CATSPERD: variants seen among roughly 807,000 people sequenced by gnomAD.
CATSPERD encodes the protein cation channel sperm-associated auxiliary subunit delta.
Under a neutral mutation model 98.1 loss-of-function variants are expected in CATSPERD, and 86 were observed. The observed-to-expected ratio is 0.88, with a 90% CI of 0.74 to 1.05. The LOEUF (loss-of-function observed/expected upper bound fraction) is 1.05. Among genes scored for constraint, CATSPERD ranks in the 50% least tolerant of loss-of-function variants. The pLI is 0.00. For missense variants in CATSPERD, 995 were observed against 1,005.7 expected, an observed-to-expected ratio of 0.99 and a Z score of 0.14; for synonymous variants, 394 against 390.2, an observed-to-expected ratio of 1.01 and a Z score of -0.12.
chr19:5,751,042 G>A (rs572752456), intron 11 of CATSPERD, among the ~76,000 whole-genome samples: 8 of 149,826 alleles, frequency 5.3e-5, no homozygotes, highest in South Asian at 2.1e-4. Context: ...GGTGAAACTC[G>A]TCTCTACTAA....
At chr19:5,776,422 A>C in intron 21 of CATSPERD, 107 bp downstream of exon 21, 1 of 1,282,312 alleles carries the variant, frequency 7.8e-7, no homozygotes. Flanking sequence ...AATTCCCCCA[A>C]CAGCCCAGGC....
intron 13 of CATSPERD, among the ~76,000 whole-genome samples, chr19:5,754,743 G>A (rs1329303060): frequency 2.0e-5 from 3 of 151,874 alleles, no homozygotes; most frequent in East Asian, 3.9e-4. Context: ...ATGTCTGGGC[G>A]TGATGAGGCT....
At position 5,778,664 on chromosome 19, in the gene CATSPERD, G is replaced by C; in HGVS notation, c.2385G>C (p.Arg795Ser). The change falls in exon 22 of 22, where the codon AGG (arginine) becomes AGC (serine). Residue 795 changes from arginine to serine, a missense_variant. Arg to Ser is a moderately radical substitution (Grantham distance 110). Transcript: ENST00000381624. ...GCCACCGCACTCCTCACGGAGGCAG[G>C]TCTGACCACTGAGGCCGGTCCACAG... ...PGRHRTPHGG[R>S]SDH 1 of 1,612,332 alleles carries C rather than the reference G, an allele frequency of 6.2e-7. No homozygotes were observed. The highest frequency in any genetic ancestry group is 8.5e-7 in the Non-Finnish European group (1 of 1,179,338).
chr19:5,752,735 A>G (rs1462077414), intron 12 of CATSPERD, among the ~76,000 whole-genome samples: 2 of 152,086 alleles, frequency 1.3e-5, no homozygotes, highest in Admixed American at 1.3e-4. Flanking sequence ...AATCCATGGA[A>G]AGGAAAAGGG....
In CATSPERD at chr19:5,732,680, G is replaced by C. The variant is rs1173981521; in HGVS notation, c.277-1176G>C. Reference sequence around the variant, plus strand: ...GGTGTTTTTTGTTTTGTTTTGTTTTGTTTTGTTTTTGGTTTTTGAGACCGA... The same window carrying C: ...GGTGTTTTTTGTTTTGTTTTGTTTTCTTTTGTTTTTGGTTTTTGAGACCGA... On this transcript the variant is annotated intron_variant, in intron 4 of 21. Coordinates refer to ENST00000381624, the MANE Select transcript of CATSPERD (RefSeq NM_152784.4). Among the ~76,000 whole-genome samples the C allele has an allele frequency of 4.6e-5, 7 of 151,114 alleles. No homozygotes were observed. The South Asian group carries it at 1.3e-3, about 27-fold the overall frequency.
chr19:5,750,251 A>C (rs574395488), intron 11 of CATSPERD, among the ~76,000 whole-genome samples: 2 of 149,216 alleles, frequency 1.3e-5, no homozygotes, highest in South Asian at 2.1e-4. Context: ...GATCGTGACC[A>C]TCCTGGCTAA....
At chr19:5,759,429 G>C (rs1233977297) in intron 15 of CATSPERD, among the ~76,000 whole-genome samples, 1 of 151,900 alleles carries the variant, frequency 6.6e-6, no homozygotes, top group Non-Finnish European at 1.5e-5. Flanking sequence ...GCTAGGCGTA[G>C]TGGCAGGCAC....
At position 5,748,178 on chromosome 19, in the gene CATSPERD, T is replaced by C; in HGVS notation, c.827T>C (p.Val276Ala). 3 of 1,613,880 alleles carry C rather than the reference T, an allele frequency of 1.9e-6. No homozygotes were observed. In the South Asian group the frequency reaches 3.3e-5, roughly 18 times the overall value. Residue 276 changes from valine to alanine, a missense_variant, in exon 10 of 22, where the codon GTC becomes GCC. By Grantham distance (64) the Val-to-Ala change is moderately conservative (BLOSUM62 0). This residue lies in a region of CATSPERD where 762 missense variants were observed against 773.7 expected (regional missense o/e 0.98). Transcript: ENST00000381624. ...SHNAGQLVDT[V>A]RVKKGDQTLF... The stretch of plus-strand genomic sequence containing the variant: ...CTCCTAGGTCAGCTCGTCGACACCG[T>C]CCGGGTGAAAAAAGGAGACCAGACC...
chr19:5,745,792 C>CTTCTTTGCT, intron 8 of CATSPERD, 121 bp from the exon 9 acceptor site: 1 of 870,246 alleles, frequency 1.1e-6, no homozygotes, highest in Non-Finnish European at 1.7e-6. Context: ...AGACTTGTGG[C>CTTCTTTGCT]TTCTTTGCTT....
chr19:5,747,199 G>A (rs1373496551), intron 9 of CATSPERD, among the ~76,000 whole-genome samples: 1 of 118,832 alleles, frequency 8.4e-6, no homozygotes, highest in Admixed American at 9.7e-5. Context: ...TTGGGACACA[G>A]TTTCACTCTG....
rs753045530 is a variant in CATSPERD, at chr19:5,751,833, C to A, written c.1164+10C>A. On this transcript the variant is annotated intron_variant, in intron 12 of 21. Coordinates refer to ENST00000381624, the MANE Select transcript of CATSPERD (RefSeq NM_152784.4). Reference sequence around the variant, plus strand: ...CGTTGGAAAGTGCAAGGTATGTGATCCTAACTGTTTTGATCAATGTTCAAT... The same window carrying A: ...CGTTGGAAAGTGCAAGGTATGTGATACTAACTGTTTTGATCAATGTTCAAT... 8.7e-6 allele frequency: 14 copies of A among 1,604,880 alleles called. No homozygotes were observed. The highest frequency in any genetic ancestry group is 1.1e-5 in the Non-Finnish European group (13 of 1,174,622).
chr19:5,759,774 T>G (rs922828585), intron 15 of CATSPERD, among the ~76,000 whole-genome samples: 1 of 150,584 alleles, frequency 6.6e-6, no homozygotes, highest in African/African-American at 2.4e-5. Flanking sequence ...GACTCAGACT[T>G]AAGAAGGAAG....
At chr19:5,776,622 A>G (rs1599605736) in intron 21 of CATSPERD, among the ~76,000 whole-genome samples, 1 of 152,164 alleles carries the variant, frequency 6.6e-6, no homozygotes, top group East Asian at 1.9e-4. Flanking sequence ...GCTGTGGGCC[A>G]GAGCTGGCTC....
At chr19:5,762,052 ATATATATTTTTT>A (rs1217892683) in intron 15 of CATSPERD, among the ~76,000 whole-genome samples, 33 of 17,270 alleles carry the variant, frequency 1.9e-3, no homozygotes, top group African/African-American at 5.9e-3. Flanking sequence ...ATATATATAT[ATATATATTTTTT>A]TTTTTTTTTT....
At chr19:5,776,399 C>A (rs1015187205) in intron 21 of CATSPERD, 84 bp downstream of exon 21, 83 of 1,475,374 alleles carry the variant, frequency 5.6e-5, no homozygotes, top group Non-Finnish European at 3.5e-5. Flanking sequence ...CATGCAGGTC[C>A]TGGCTAAACC....
At position 5,739,440 on chromosome 19, in the gene CATSPERD, G is replaced by A; in HGVS notation, c.573+1G>A. The A allele has an allele frequency of 6.9e-7, 1 of 1,446,030 alleles. No individual in the cohort carries two copies. Among genetic ancestry groups the A allele is most frequent in the Non-Finnish European group, 9.5e-7 (1 of 1,047,364 alleles). The allele number at this position is 1,446,030 out of a possible 1,614,324, so 89.6% of individuals were successfully genotyped here. A position where few individuals can be genotyped will look rare whatever the true frequency, so the allele number is the denominator to read the frequency against. On this transcript the variant is annotated splice_donor_variant, in intron 7 of 21. Transcript: ENST00000381624. LOFTEE classifies it high-confidence loss of function. ...TTGGAAGTATCACTATGACAGACAG[G>A]TATGTTAAATTTGGTAAGAATGTGA...
rs545679228 is a variant in CATSPERD at position 5,736,063 on chromosome 19, C to T, written c.392-1075C>T. 3.9e-5 allele frequency among the ~76,000 whole-genome samples: 6 copies of T among 152,142 alleles called. No individual in the cohort carries two copies. In the South Asian group the frequency reaches 8.3e-4, roughly 21 times the overall value. On this transcript the variant is annotated intron_variant, in intron 5 of 21. Coordinates refer to ENST00000381624, the MANE Select transcript of CATSPERD (RefSeq NM_152784.4). ...AAGTGCTGGGATTACAGGCATAAGC[C>T]ACTGTGCCCGGCCTAATTTTGTATT... is the stretch of plus-strand genomic sequence containing the variant.
chr19:5,745,880 G>C, intron 8 of CATSPERD, 33 bp from the exon 9 acceptor site: 1 of 1,611,126 alleles, frequency 6.2e-7, no homozygotes. Context: ...AGTAGGGTTT[G>C]GGGAGAGGCT....
intron 15 of CATSPERD, 137 bp downstream of exon 15, chr19:5,759,281 G>A: frequency 4.8e-6 from 4 of 835,444 alleles, no homozygotes; most frequent in South Asian, 4.2e-5. Flanking sequence ...CTTTACAAGA[G>A]CTGGGCGCGG....
Sources: allele counts gnomAD v4.1 joint callset (sites outside exome capture counted in the v4.1 genomes callset), GRCh38; gene constraint gnomAD v4.1.1; regional missense constraint gnomAD v4.1.1; transcripts MANE v1.5; gene names NCBI Gene and HGNC (gene_info 2026-07-23, HGNC 2026-07-21).